BMP6: variants seen among roughly 807,000 people sequenced by gnomAD.
BMP6 encodes VG-1-R.
A neutral mutation model predicts 54.1 loss-of-function variants in BMP6; 17 were observed. That is an observed-to-expected ratio of 0.31 (90% CI 0.22 to 0.47). The LOEUF (loss-of-function observed/expected upper bound fraction) is 0.47. Among genes scored for constraint, BMP6 ranks in the 20% least tolerant of loss-of-function variants. The pLI is 1.00. For synonymous variants in BMP6, 328 were observed against 291.2 expected (o/e 1.13, Z -1.28); for missense variants, 720 against 690.4 (o/e 1.04, Z -0.48).
intron 1 of BMP6, among the ~76,000 whole-genome samples, chr6:7,800,095 T>G (rs1351047915): frequency 2.7e-5 from 4 of 150,526 alleles, no homozygotes; most frequent in African/African-American, 9.9e-5. Flanking sequence ...TGTGTGTGTG[T>G]GTGTGTGTGT....
intron 1 of BMP6, among the ~76,000 whole-genome samples, chr6:7,838,321 G>A (rs994915245): frequency 6.6e-6 from 1 of 152,032 alleles, no homozygotes; most frequent in Non-Finnish European, 1.5e-5. Context: ...CACTATTCAC[G>A]GTTTCAGGCA....
At chr6:7,860,234 A>C (rs1759313636) in intron 2 of BMP6, among the ~76,000 whole-genome samples, 1 of 152,206 alleles carries the variant, frequency 6.6e-6, no homozygotes, top group Non-Finnish European at 1.5e-5. Context: ...AAACAAAGAG[A>C]AGTAGATGAA....
intron 1 of BMP6, among the ~76,000 whole-genome samples, chr6:7,808,911 C>G (rs1758392942): frequency 1.1e-5 from 1 of 91,418 alleles, no homozygotes; most frequent in South Asian, 3.2e-4. Flanking sequence ...AAGACCCTGT[C>G]TCTAAAAAAA....
At chr6:7,779,763 T>A (rs1322392199) in intron 1 of BMP6, among the ~76,000 whole-genome samples, 1 of 152,176 alleles carries the variant, frequency 6.6e-6, no homozygotes, top group Non-Finnish European at 1.5e-5. Context: ...ATGAGGCCAT[T>A]ATTCTTATTT....
chr6:7,874,498 G>A (rs970997460), intron 4 of BMP6, among the ~76,000 whole-genome samples: 4 of 152,216 alleles, frequency 2.6e-5, no homozygotes, highest in African/African-American at 9.6e-5. Context: ...GCTCACGCCT[G>A]TAATCCCAGC....
In BMP6 at chr6:7,737,421, C is replaced by A. The variant is rs551737923; in HGVS notation, c.664+9802C>A. Among the ~76,000 whole-genome samples, 4 of 152,196 alleles carry A rather than the reference C, an allele frequency of 2.6e-5. No homozygotes were observed. In the East Asian group the frequency reaches 7.7e-4, roughly 29 times the overall value. ...AAGATATCTGGAGAGTTGCCTTTCC[C>A]CCCATGGAGAAAGGCCATGCATGGA... On this transcript the variant is annotated intron_variant, in intron 1 of 6. Transcript: ENST00000283147.
intron 1 of BMP6, among the ~76,000 whole-genome samples, chr6:7,841,471 C>T (rs535241815): frequency 6.6e-6 from 1 of 152,344 alleles, no homozygotes; most frequent in Non-Finnish European, 1.5e-5. Context: ...TTCAGGTGCA[C>T]ATACAGGCAG....
At chr6:7,809,757 T>C (rs1758408394) in intron 1 of BMP6, among the ~76,000 whole-genome samples, 1 of 152,252 alleles carries the variant, frequency 6.6e-6, no homozygotes, top group South Asian at 2.1e-4. Flanking sequence ...CAGTGCATGA[T>C]TGAGTATGAA....
At chr6:7,762,017 G>A (rs1156249676) in intron 1 of BMP6, among the ~76,000 whole-genome samples, 1 of 152,124 alleles carries the variant, frequency 6.6e-6, no homozygotes, top group Non-Finnish European at 1.5e-5. Flanking sequence ...CACTTTCTGA[G>A]CTCGAGCAAT....
intron 1 of BMP6, among the ~76,000 whole-genome samples, chr6:7,832,939 G>A (rs141206729): frequency 1.3e-5 from 2 of 152,004 alleles, no homozygotes; most frequent in African/African-American, 4.8e-5. Context: ...GGAAAAGGGT[G>A]AGGGACGAGG....
chr6:7,855,793 T>C (rs1411174863), intron 2 of BMP6, among the ~76,000 whole-genome samples: 1 of 151,906 alleles, frequency 6.6e-6, no homozygotes, highest in Non-Finnish European at 1.5e-5. Flanking sequence ...CCTCCCACGG[T>C]GCTGGGATTA....
chr6:7,862,150 C>A (rs570443405), intron 3 of BMP6, 151 bp from the exon 4 acceptor site: 1 of 910,318 alleles, frequency 1.1e-6, no homozygotes, highest in Non-Finnish European at 1.7e-6. Context: ...CCCATGGGTG[C>A]CAGGCAAGGT....
intron 2 of BMP6, among the ~76,000 whole-genome samples, chr6:7,851,233 A>C (rs1759136945): frequency 6.6e-6 from 1 of 152,194 alleles, no homozygotes; most frequent in South Asian, 2.1e-4. Context: ...ATCGATAATG[A>C]GGATTTCAGT....
In BMP6 at chr6:7,880,286, C is replaced by T. The variant is rs149391648; in HGVS notation, c.1485C>T (p.Ser495=). The T allele has an allele frequency of 3.1e-6, 5 of 1,614,104 alleles. No individual in the cohort carries two copies. The East Asian group carries it at 1.1e-4, about 36-fold the overall frequency. Residue 495 remains serine, a synonymous_variant, in exon 7 of 7, where the codon TCC becomes TCT. Coordinates refer to ENST00000283147, the MANE Select transcript of BMP6 (RefSeq NM_001718.6). The part of the protein sequence containing the change: ...AISVLYFDDN[S]NVILKKYRNM... ...CGGTTCTTTACTTTGATGACAACTC[C>T]AATGTCATTCTGAAAAAATACAGGA...
intron 4 of BMP6, among the ~76,000 whole-genome samples, chr6:7,878,090 T>G (rs1195016825): frequency 6.6e-6 from 1 of 152,078 alleles, no homozygotes; most frequent in Non-Finnish European, 1.5e-5. Context: ...CTCCTCTCTC[T>G]TCCTCTCACT....
At chr6:7,769,396 T>C (rs1757748712) in intron 1 of BMP6, among the ~76,000 whole-genome samples, 1 of 152,190 alleles carries the variant, frequency 6.6e-6, no homozygotes, top group South Asian at 2.1e-4. Flanking sequence ...GGCATCAGCA[T>C]GTTTAAAAAG....
intron 1 of BMP6, among the ~76,000 whole-genome samples, chr6:7,813,356 G>A (rs1338777965): frequency 6.6e-5 from 9 of 136,610 alleles, no homozygotes; most frequent in South Asian, 2.3e-4. Context: ...ATATGATGGC[G>A]TATACCTGTA....
intron 4 of BMP6, among the ~76,000 whole-genome samples, chr6:7,867,664 G>C (rs1759446690): frequency 6.6e-6 from 1 of 152,230 alleles, no homozygotes; most frequent in South Asian, 2.1e-4. Flanking sequence ...AGGGCCTGCA[G>C]CTTGGCTTGC....
chr6:7,746,003 C>T (rs1003259448), intron 1 of BMP6, among the ~76,000 whole-genome samples: 1 of 151,946 alleles, frequency 6.6e-6, no homozygotes, highest in Non-Finnish European at 1.5e-5. Context: ...TGAGGGAGCA[C>T]CAAGGAAGGT....
Sources: allele counts gnomAD v4.1 joint callset (sites outside exome capture counted in the v4.1 genomes callset), GRCh38; gene constraint gnomAD v4.1.1; transcripts MANE v1.5; gene names NCBI Gene and HGNC (gene_info 2026-07-23, HGNC 2026-07-21).